MIR2052HG: variants seen among roughly 807,000 people sequenced by gnomAD.
MIR2052HG encodes MIR2052 host gene.
At chr8:74,609,823 A>G (rs978017969) in intron 1 of MIR2052HG, 1 of 151,160 alleles carries the variant, frequency 6.6e-6, no homozygotes, top group Non-Finnish European at 1.5e-5. Context: ...CACTATGAAC[A>G]TATGTGAAAA....
rs140118868 is a variant in MIR2052HG, at chr8:74,656,124, A to G, written n.216+43184A>G. ...TACCTGATACCTGTATCTTCATTGT[A>G]TCTAGGAAGTAACTAGCTTGCTTTT... On this transcript the variant is annotated intron_variant and non_coding_transcript_variant, in intron 2 of 6. Coordinates refer to ENST00000523442, the Ensembl canonical transcript of MIR2052HG. Among the ~76,000 whole-genome samples the G allele has an allele frequency of 2.3e-3, 345 of 152,238 alleles. 2 individuals are homozygous for G. Among genetic ancestry groups the G allele is most frequent in the African/African-American group, 8.0e-3 (333 of 41,522 alleles).
intron 2 of MIR2052HG, among the ~76,000 whole-genome samples, chr8:74,687,629 T>C (rs1165504504): frequency 6.6e-6 from 1 of 152,046 alleles, no homozygotes; most frequent in Non-Finnish European, 1.5e-5. Flanking sequence ...ATATCTATAA[T>C]AGTAAAACTT....
At chr8:74,675,893 C>T (rs57599945) in intron 2 of MIR2052HG, among the ~76,000 whole-genome samples, 16,485 of 151,748 alleles carry the variant, frequency 0.11, 2,070 homozygotes, top group African/African-American at 0.31. Context: ...TTATTAGTAT[C>T]GGTCCGATAA....
intron 2 of MIR2052HG, among the ~76,000 whole-genome samples, chr8:74,691,430 G>T (rs190329289): frequency 3.2e-4 from 49 of 152,264 alleles, no homozygotes; most frequent in Admixed American, 3.2e-3. Flanking sequence ...CTGAATTGAG[G>T]TAATTTGGCC....
At chr8:74,663,866 T>C (rs146051279) in intron 2 of MIR2052HG, among the ~76,000 whole-genome samples, 34 of 152,332 alleles carry the variant, frequency 2.2e-4, no homozygotes, top group African/African-American at 7.9e-4. Context: ...GCTCAAGTAA[T>C]AGTGATTAAA....
intron 1 of MIR2052HG, chr8:74,603,180 T>A: frequency 1.2e-6 from 1 of 862,184 alleles, no homozygotes; most frequent in South Asian, 1.4e-5. Flanking sequence ...AAACTGAAAA[T>A]TTACAAACTA....
chr8:74,747,685 C>T (rs553397886), intron 4 of MIR2052HG, among the ~76,000 whole-genome samples: 2 of 152,230 alleles, frequency 1.3e-5, no homozygotes, highest in Non-Finnish European at 2.9e-5. Flanking sequence ...ACCTGTGTAA[C>T]ATCTACCTAA....
At chr8:74,724,213 C>G (rs1034399837) in intron 4 of MIR2052HG, among the ~76,000 whole-genome samples, 2 of 151,570 alleles carry the variant, frequency 1.3e-5, no homozygotes, top group African/African-American at 4.9e-5. Context: ...ATGGAAAAGA[C>G]ATGATTTAGC....
chr8:74,651,426 G>C (rs907750769), intron 2 of MIR2052HG, among the ~76,000 whole-genome samples: 9 of 152,064 alleles, frequency 5.9e-5, no homozygotes, highest in Admixed American at 4.6e-4. Context: ...CACTGAGTAT[G>C]AATATATGAT....
chr8:74,693,228 A>G (rs967141392), intron 2 of MIR2052HG, among the ~76,000 whole-genome samples: 5 of 152,234 alleles, frequency 3.3e-5, no homozygotes, highest in Non-Finnish European at 7.3e-5. Flanking sequence ...CAATTAGCCA[A>G]GTGAAATACA....
At chr8:74,664,173 G>A (rs756132062) in intron 2 of MIR2052HG, among the ~76,000 whole-genome samples, 3 of 151,464 alleles carry the variant, frequency 2.0e-5, no homozygotes, top group African/African-American at 4.8e-5. Flanking sequence ...TATGTATTGC[G>A]TACGATGCAA....
chr8:74,749,526 G>A (rs1809922485), intron 4 of MIR2052HG, among the ~76,000 whole-genome samples: 1 of 152,106 alleles, frequency 6.6e-6, no homozygotes, highest in African/African-American at 2.4e-5. Flanking sequence ...ATAATTTCAA[G>A]TTCGACATCA....
chr8:74,701,672 G>T (rs1367046255), intron 2 of MIR2052HG, among the ~76,000 whole-genome samples: 1 of 152,070 alleles, frequency 6.6e-6, no homozygotes, highest in African/African-American at 2.4e-5. Context: ...CAGCATTCCT[G>T]TTGATTCTGT....
chr8:74,640,615 G>T (rs912220596), intron 2 of MIR2052HG, among the ~76,000 whole-genome samples: 1 of 152,066 alleles, frequency 6.6e-6, no homozygotes, highest in African/African-American at 2.4e-5. Context: ...GCATCCACTT[G>T]CTCTTTATGT....
At chr8:74,626,208 A>G (rs1464848220) in intron 2 of MIR2052HG, among the ~76,000 whole-genome samples, 3 of 152,172 alleles carry the variant, frequency 2.0e-5, no homozygotes, top group African/African-American at 7.2e-5. Flanking sequence ...GCTGCCAGCA[A>G]TTATCACTGG....
chr8:74,668,538 CT>C (rs1808956931), intron 2 of MIR2052HG, among the ~76,000 whole-genome samples: 1 of 152,182 alleles, frequency 6.6e-6, no homozygotes, highest in Admixed American at 6.6e-5. Context: ...TCAGCTTTCT[CT>C]GCTTTTCTAT....
intron 5 of MIR2052HG, among the ~76,000 whole-genome samples, chr8:74,753,200 T>G (rs1008825579): frequency 6.6e-6 from 1 of 152,210 alleles, no homozygotes; most frequent in African/African-American, 2.4e-5. Context: ...TAAATGGATT[T>G]CTAAGTAAAA....
intron 4 of MIR2052HG, among the ~76,000 whole-genome samples, chr8:74,707,303 GTCT>G (rs1228456096): frequency 6.6e-6 from 1 of 152,224 alleles, no homozygotes; most frequent in East Asian, 1.9e-4. Flanking sequence ...GAGGCTGAAA[GTCT>G]TCTTCAGAAT....
intron 4 of MIR2052HG, among the ~76,000 whole-genome samples, chr8:74,746,609 G>A (rs1283758348): frequency 1.4e-5 from 1 of 73,812 alleles, no homozygotes; most frequent in East Asian, 2.4e-4. Flanking sequence ...TCAAAGAGTC[G>A]AGGAGGGAGG....
Sources: gnomAD v4.1 joint callset for allele counts (sites outside exome capture counted in the v4.1 genomes callset) on GRCh38, gnomAD v4.1.1 for gene constraint, MANE v1.5 for transcripts, NCBI Gene and HGNC (gene_info 2026-07-23, HGNC 2026-07-21) for gene names.